The following THSD7A variants were observed in gnomAD, a reference collection of about 807,000 sequenced individuals.
THSD7A encodes thrombospondin type 1 domain containing 7A, also known as thrombospondin type-1 domain-containing protein 7A.
Under a neutral mutation model 231.3 loss-of-function variants are expected in THSD7A, and 96 were observed. The ratio of observed to expected loss-of-function variants is 0.41; its 90% confidence interval spans 0.35 to 0.49. The LOEUF is 0.49. Ranked by LOEUF, THSD7A falls within the 20% of genes least tolerant of loss-of-function variation. The pLI, the probability that THSD7A is intolerant of heterozygous loss-of-function variation, is 0.05. For synonymous variants in THSD7A, 940 were observed against 743.3 expected (o/e 1.26, Z -4.30); for missense variants, 2,290 against 2,070.2 (o/e 1.11, Z -2.06).
chr7:11,529,904 A>G (rs909563410), intron 6 of THSD7A, among the ~76,000 whole-genome samples: 2 of 152,158 alleles, frequency 1.3e-5, no homozygotes, highest in African/African-American at 4.8e-5. Flanking sequence ...AACAACAAAC[A>G]CTTAAATAGA....
At chr7:11,674,172 A>G (rs1275921827) in intron 1 of THSD7A, among the ~76,000 whole-genome samples, 1 of 152,018 alleles carries the variant, frequency 6.6e-6, no homozygotes, top group Non-Finnish European at 1.5e-5. Context: ...CTTGGGACAA[A>G]GGAAGCCTGG....
At chr7:11,500,445 G>A (rs1193812649) in intron 6 of THSD7A, among the ~76,000 whole-genome samples, 2 of 151,882 alleles carry the variant, frequency 1.3e-5, no homozygotes, top group Non-Finnish European at 2.9e-5. Context: ...ACAATGATAG[G>A]GTCAAATCCA....
chr7:11,457,082 G>A (rs1036152323), intron 11 of THSD7A, among the ~76,000 whole-genome samples: 15 of 151,984 alleles, frequency 9.9e-5, no homozygotes, highest in Admixed American at 5.3e-4. Context: ...AGGTATAATC[G>A]CTTTTATTCA....
chr7:11,475,060 GGT>G (rs984863343), intron 7 of THSD7A, among the ~76,000 whole-genome samples: 1 of 152,114 alleles, frequency 6.6e-6, no homozygotes, highest in Non-Finnish European at 1.5e-5. Flanking sequence ...CATGCAGGCA[GGT>G]GTGACCTTGG....
At chr7:11,781,174 C>T (rs982712836) in intron 1 of THSD7A, among the ~76,000 whole-genome samples, 4 of 151,964 alleles carry the variant, frequency 2.6e-5, no homozygotes, top group Non-Finnish European at 5.9e-5. Flanking sequence ...GGTGCAGTGG[C>T]TCATGCCTGT....
intron 1 of THSD7A, among the ~76,000 whole-genome samples, chr7:11,656,334 C>T (rs1302639672): frequency 1.3e-5 from 2 of 151,802 alleles, no homozygotes; most frequent in South Asian, 4.1e-4. Context: ...ATTATTTTTA[C>T]AGGAATCAGT....
intron 1 of THSD7A, among the ~76,000 whole-genome samples, chr7:11,808,495 T>C (rs1784451597): frequency 6.6e-6 from 1 of 152,198 alleles, no homozygotes; most frequent in Admixed American, 6.5e-5. Flanking sequence ...TTACCCAGTA[T>C]TGGGTATTCT....
intron 23 of THSD7A, among the ~76,000 whole-genome samples, chr7:11,383,156 A>G (rs764270739): frequency 8.6e-5 from 13 of 151,656 alleles, no homozygotes; most frequent in Non-Finnish European, 1.9e-4. Flanking sequence ...CACACACATA[A>G]TTACTATATA....
intron 2 of THSD7A, among the ~76,000 whole-genome samples, chr7:11,596,403 A>G (rs2128342827): frequency 6.6e-6 from 1 of 152,256 alleles, no homozygotes; most frequent in Non-Finnish European, 1.5e-5. Context: ...TCCAACTTAC[A>G]GTGGGTCCAG....
At chr7:11,645,126 T>C (rs888500632) in intron 1 of THSD7A, among the ~76,000 whole-genome samples, 75 of 152,056 alleles carry the variant, frequency 4.9e-4, no homozygotes, top group African/African-American at 1.8e-3. Context: ...TAATATTTTC[T>C]TTTGTTAATT....
intron 1 of THSD7A, among the ~76,000 whole-genome samples, chr7:11,830,548 A>G (rs955381204): frequency 1.3e-5 from 2 of 152,216 alleles, no homozygotes; most frequent in Non-Finnish European, 2.9e-5. Flanking sequence ...TAGCAAGAAT[A>G]ATCTTGCTTT....
intron 6 of THSD7A, among the ~76,000 whole-genome samples, chr7:11,492,354 G>C (rs192613660): frequency 8.6e-4 from 131 of 152,070 alleles, no homozygotes; most frequent in African/African-American, 2.9e-3. Context: ...AAAATAAAAA[G>C]AAAGTATAGT....
Position 11,442,228 on chromosome 7 carries a change from A to G in THSD7A, c.3064+3833T>C, listed in dbSNP as rs547636037. 5.9e-5 allele frequency among the ~76,000 whole-genome samples: 9 copies of G among 152,182 alleles called. No individual in the cohort carries two copies. In the South Asian group the frequency reaches 1.9e-3, roughly 32 times the overall value. On this transcript the variant is annotated intron_variant, in intron 13 of 27. Transcript: ENST00000423059. ...TGGCAATGCAGTTATATCACTTTTC[A>G]GCACAGAGCCTATTATTACACACAA...
chr7:11,550,111 C>T (rs1789565729), intron 4 of THSD7A, among the ~76,000 whole-genome samples: 1 of 151,932 alleles, frequency 6.6e-6, no homozygotes, highest in African/African-American at 2.4e-5. Context: ...CCAAAGGCTC[C>T]CAGACCTGAT....
At chr7:11,818,360 G>T (rs147170834) in intron 1 of THSD7A, among the ~76,000 whole-genome samples, 1 of 152,134 alleles carries the variant, frequency 6.6e-6, no homozygotes, top group East Asian at 1.9e-4. Flanking sequence ...ATTGTTCTAC[G>T]TTAGGCTGTT....
At chr7:11,603,928 A>G (rs1780644896) in intron 2 of THSD7A, among the ~76,000 whole-genome samples, 3 of 151,192 alleles carry the variant, frequency 2.0e-5, no homozygotes. Context: ...ACCTAATGCT[A>G]GATGACGAGT....
intron 23 of THSD7A, chr7:11,384,389 AT>A (rs1782647021): frequency 6.6e-6 from 1 of 151,664 alleles, no homozygotes. Context: ...GAAATTTAAA[AT>A]TTTTTCATTT....
At chr7:11,605,265 T>C (rs73290866) in intron 2 of THSD7A, among the ~76,000 whole-genome samples, 2,737 of 152,144 alleles carry the variant, frequency 0.018, 81 homozygotes, top group African/African-American at 0.062. Flanking sequence ...CTTCCTAATA[T>C]GGAAAAAAAC....
chr7:11,401,866 G>A lies in THSD7A; in HGVS notation c.4340C>T (p.Pro1447Leu), dbSNP rs771710695. 24 of 1,613,476 alleles carry A rather than the reference G, an allele frequency of 1.5e-5. No homozygotes were observed. The highest frequency in any genetic ancestry group is 4.0e-5 in the African/African-American group (3 of 74,780). Reference protein sequence around the residue: ...GFGGIQVRSRPVIIQELENQH... With the variant: ...GFGGIQVRSRLVIIQELENQH... ...ATTCTCTAGTTCTTGTATAATCACC[G>A]GTCTGGATCTGACCTGTATTCCACC... Residue 1447 changes from proline (P) to leucine (L), a missense_variant, in exon 23 of 28, where the codon CCG becomes CTG. Transcript: ENST00000423059.
Sources: gnomAD v4.1 joint callset for allele counts (sites outside exome capture counted in the v4.1 genomes callset) on GRCh38, gnomAD v4.1.1 for gene constraint, MANE v1.5 for transcripts, NCBI Gene and HGNC (gene_info 2026-07-23, HGNC 2026-07-21) for gene names.